Variants in LAMC3 observed in about 807,000 individuals in gnomAD.
LAMC3 encodes laminin subunit gamma 3, also known as laminin subunit gamma-3.
A neutral mutation model predicts 173.8 loss-of-function variants in LAMC3; 128 were observed. The ratio of observed to expected loss-of-function variants is 0.74; its 90% CI spans 0.64 to 0.85. The LOEUF is 0.85. Ranked by LOEUF, LAMC3 falls within the 40% of genes least tolerant of loss-of-function variation. The pLI is 0.00. For synonymous variants in LAMC3, 897 were observed against 909.1 expected, an observed-to-expected ratio of 0.99 and a Z score of 0.24; for missense variants, 2,022 against 2,156.0, an observed-to-expected ratio of 0.94 and a Z score of 1.23.
chr9:131,064,893 T>C (rs1829899407), intron 13 of LAMC3, among the ~76,000 whole-genome samples: 1 of 151,254 alleles, frequency 6.6e-6, no homozygotes, highest in Non-Finnish European at 1.5e-5. Context: ...ATACAAAAAT[T>C]AGCTGGGTGT....
At position 131,072,732 on chromosome 9, in the gene LAMC3, A is replaced by T; in HGVS notation, c.3314A>T (p.Gln1105Leu). ...CTGAACAAGGGTGCCCGCTGTGCCC[A>T]GGCCGGATCCCAGAAGACCTGCACC... ...QRLNKGARCA[Q>L]AGSQKTCTQL... The change falls in exon 19 of 28, where the codon CAG becomes CTG. Residue 1105 changes from glutamine to leucine, a missense_variant. Transcript: ENST00000361069. The T allele has an allele frequency of 6.2e-7, 1 of 1,612,920 alleles. No homozygotes were observed. Among genetic ancestry groups the T allele is most frequent in the Non-Finnish European group, 8.5e-7 (1 of 1,179,746 alleles).
intron 2 of LAMC3, among the ~76,000 whole-genome samples, chr9:131,027,361 T>C (rs1833740438): frequency 6.6e-6 from 1 of 152,212 alleles, no homozygotes; most frequent in Non-Finnish European, 1.5e-5. Context: ...CCTCCTCCTG[T>C]GAATTAGTAA....
chr9:131,035,730 G>T (rs971849562), intron 3 of LAMC3, among the ~76,000 whole-genome samples: 2 of 152,164 alleles, frequency 1.3e-5, no homozygotes, highest in African/African-American at 4.8e-5. Flanking sequence ...GATAGCTGCT[G>T]GAGGCGGTTC....
chr9:131,041,353 T>C (rs1259049914), intron 6 of LAMC3, among the ~76,000 whole-genome samples: 1 of 51,962 alleles, frequency 1.9e-5, no homozygotes, highest in Non-Finnish European at 4.6e-5. Context: ...GGTGGCAAAG[T>C]GTGACTCTGT....
At position 131,087,529 on chromosome 9, in the gene LAMC3, G is replaced by T. The variant is rs1830352199; in HGVS notation, c.4284G>T (p.Arg1428Ser). 5.0e-6 allele frequency: 8 copies of T among 1,613,678 alleles called. No homozygotes were observed. Among genetic ancestry groups the T allele is most frequent in the African/African-American group, 1.3e-5 (1 of 74,954 alleles). Residue 1428 changes from arginine to serine, a missense_variant, in exon 26 of 28, where the codon AGG becomes AGT. Coordinates refer to ENST00000361069, the MANE Select transcript of LAMC3 (RefSeq NM_006059.4). ...AACAGGCGCACCGCCGTGCCAGCAG[G>T]CTCACCAGCCAGACGCAAGCCACGC... The part of the protein sequence containing the change: ...ERKQAHRRAS[R>S]LTSQTQATLQ...
intron 7 of LAMC3, among the ~76,000 whole-genome samples, chr9:131,042,455 T>C (rs1185609215): frequency 6.6e-6 from 1 of 150,918 alleles, no homozygotes; most frequent in Non-Finnish European, 1.5e-5. Context: ...ATATCACTAA[T>C]GGAGCACTAT....
intron 25 of LAMC3, among the ~76,000 whole-genome samples, chr9:131,087,100 T>C (rs1830344868): frequency 6.6e-6 from 1 of 152,238 alleles, no homozygotes; most frequent in Admixed American, 6.5e-5. Context: ...GCTCTGCTGC[T>C]GGTTCTGTTG....
rs147688904 is a variant in LAMC3 at position 131,087,500 on chromosome 9, C to T, written c.4255C>T (p.Arg1419Trp). 14 of 1,613,690 alleles carry T rather than the reference C, an allele frequency of 8.7e-6. No homozygotes were observed. Among genetic ancestry groups the T allele is most frequent in the African/African-American group, 2.7e-5 (2 of 74,940 alleles). The change falls in exon 26 of 28, where the codon CGG (arginine) becomes TGG (tryptophan). Residue 1419 changes from arginine (R) to tryptophan (W), a missense_variant. Physicochemically the swap from Arg to Trp is moderately radical, Grantham distance 101. Transcript: ENST00000361069. ...AKLAKALLRERKQAHRRASRL... is the reference protein window; with the variant it reads ...AKLAKALLREWKQAHRRASRL... Reference sequence around the variant, plus strand: ...GCTTGCCAAGGCCTTGCTGAGGGAGCGGAAACAGGCGCACCGCCGTGCCAG... The same window carrying T: ...GCTTGCCAAGGCCTTGCTGAGGGAGTGGAAACAGGCGCACCGCCGTGCCAG...
intron 1 of LAMC3, among the ~76,000 whole-genome samples, chr9:131,010,002 A>C (rs1029184691): frequency 6.6e-6 from 1 of 151,824 alleles, no homozygotes; most frequent in Non-Finnish European, 1.5e-5. Context: ...AAAAATAGAA[A>C]ATTTGGCCGG....
At chr9:131,078,214 G>A (rs949833361) in intron 22 of LAMC3, among the ~76,000 whole-genome samples, 11 of 152,122 alleles carry the variant, frequency 7.2e-5, no homozygotes, top group Admixed American at 2.6e-4. Context: ...CAGCTTGGCC[G>A]GGCGCGGTGG....
intron 20 of LAMC3, among the ~76,000 whole-genome samples, chr9:131,074,355 C>T (rs1341540032): frequency 5.3e-5 from 8 of 151,988 alleles, no homozygotes; most frequent in Admixed American, 2.0e-4. Flanking sequence ...GTTGTTTATC[C>T]GTCTTCTGTT....
At position 131,061,306 on chromosome 9, in the gene LAMC3, G is replaced by T. The variant is rs1410982996; in HGVS notation, c.2347+83G>T. On this transcript the variant is annotated intron_variant, in intron 13 of 27. Coordinates refer to ENST00000361069, the MANE Select transcript of LAMC3 (RefSeq NM_006059.4). Reference sequence around the variant, plus strand: ...ACTATGCCCTGGGCTCCAGGGTTAGGGCCCTGGGTTTAGGGTGTGGCAGGT... The same window carrying T: ...ACTATGCCCTGGGCTCCAGGGTTAGTGCCCTGGGTTTAGGGTGTGGCAGGT... The T allele has an allele frequency of 2.4e-6, 3 of 1,255,750 alleles. No homozygotes were observed. The African/African-American group carries it at 4.4e-5, about 19-fold the overall frequency. The allele number at this position is 1,255,750 out of a possible 1,614,324, so 77.8% of individuals were successfully genotyped here. A position where few individuals can be genotyped will look rare whatever the true frequency, so the allele number is the denominator to read the frequency against.
chr9:131,052,933 G>A lies in LAMC3; in HGVS notation c.1907G>A (p.Arg636His), dbSNP rs753991024. 6.2e-5 allele frequency: 100 copies of A among 1,613,310 alleles called. No homozygotes were observed. The highest frequency in any genetic ancestry group is 7.6e-5 in the Non-Finnish European group (90 of 1,179,938). Residue 636 changes from arginine to histidine, a missense_variant, in exon 11 of 28, where the codon CGC becomes CAC. By Grantham distance (29) the Arg-to-His change is conservative. Coordinates refer to ENST00000361069, the MANE Select transcript of LAMC3 (RefSeq NM_006059.4). ...CTCCTCGCCAACCTGACCAGCCTCC[G>A]CCTCCGCGTCAGTCCCGGCCCCAGC... ...QRLLANLTSL[R>H]LRVSPGPSPA...
chr9:131,036,481 C>G, intron 4 of LAMC3, 149 bp downstream of exon 4: 1 of 886,148 alleles, frequency 1.1e-6, no homozygotes, highest in Non-Finnish European at 1.8e-6. Flanking sequence ...GAGATAAGGA[C>G]GAGCAGAAGG....
At chr9:131,076,048 A>G in intron 21 of LAMC3, 83 bp downstream of exon 21, 2 of 1,359,986 alleles carry the variant, frequency 1.5e-6, no homozygotes, top group Non-Finnish European at 2.0e-6. Context: ...TGCTGGTTCC[A>G]GAGCCAGCTC....
chr9:131,061,455 G>A (rs777891724), intron 13 of LAMC3, among the ~76,000 whole-genome samples: 4 of 152,204 alleles, frequency 2.6e-5, no homozygotes, highest in African/African-American at 7.2e-5. Flanking sequence ...GAGAATTTGG[G>A]CTATTTGAAA....
intron 12 of LAMC3, among the ~76,000 whole-genome samples, chr9:131,060,554 A>G (rs1476192970): frequency 1.3e-5 from 2 of 151,986 alleles, no homozygotes; most frequent in African/African-American, 2.4e-5. Context: ...TGAGGCAGTA[A>G]TATCACTTGA....
At chr9:131,053,409 C>T (rs575866626) in intron 11 of LAMC3, among the ~76,000 whole-genome samples, 1 of 152,338 alleles carries the variant, frequency 6.6e-6, no homozygotes, top group Non-Finnish European at 1.5e-5. Flanking sequence ...GTCTGGTCTT[C>T]CCAAAGAGGG....
rs560407619 is a variant in LAMC3, at chr9:131,035,715, T to C, written c.810-451T>C. On this transcript the variant is annotated intron_variant, in intron 3 of 27. Transcript: ENST00000361069. ...TCTTTCCTGCCCTTTCGGACACAGT[T>C]GAGGGATAGCTGCTGGAGGCGGTTC... Among the ~76,000 whole-genome samples the C allele has an allele frequency of 4.6e-5, 7 of 152,250 alleles. No homozygotes were observed. The East Asian group carries it at 1.4e-3, about 29-fold the overall frequency.
Sources: gnomAD v4.1 joint callset for allele counts (sites outside exome capture counted in the v4.1 genomes callset) on GRCh38, gnomAD v4.1.1 for gene constraint, MANE v1.5 for transcripts, NCBI Gene and HGNC (gene_info 2026-07-23, HGNC 2026-07-21) for gene names.